PTGER3: variants seen among roughly 807,000 people sequenced by gnomAD.
PTGER3 encodes prostaglandin E receptor 3, also known as prostaglandin E2 receptor EP3 subtype.
In PTGER3, 22 loss-of-function variants were observed where a neutral mutation model predicts 34.7. The ratio of observed to expected loss-of-function variants is 0.63; its 90% CI spans 0.45 to 0.91. The LOEUF is 0.91. Ranked by LOEUF, PTGER3 falls within the 40% of genes least tolerant of loss-of-function variation. The pLI is 0.00. For missense variants in PTGER3, 468 were observed against 519.4 expected (o/e 0.90, Z 0.96); for synonymous variants, 241 against 230.1 (o/e 1.05, Z -0.43).
intron 2 of PTGER3, among the ~76,000 whole-genome samples, chr1:71,004,496 G>A (rs762385104): frequency 6.6e-6 from 1 of 152,146 alleles, no homozygotes; most frequent in Non-Finnish European, 1.5e-5. Flanking sequence ...ATAAAATGAA[G>A]CTTCTGCAGC....
At chr1:70,953,806 A>C in intron 2 of PTGER3, 1 of 1,261,704 alleles carries the variant, frequency 7.9e-7, no homozygotes, top group Non-Finnish European at 1.1e-6. Context: ...AAGAGTAATA[A>C]CAGTATAAGC....
At chr1:70,886,758 C>A (rs992318262) in intron 4 of PTGER3, among the ~76,000 whole-genome samples, 1 of 152,188 alleles carries the variant, frequency 6.6e-6, no homozygotes, top group African/African-American at 2.4e-5. Flanking sequence ...ATCTCCAGGG[C>A]TAAGCACAGA....
chr1:70,852,836 G>GT (rs751722919), exon 5 of PTGER3: 8 of 1,613,454 alleles, frequency 5.0e-6, no homozygotes, highest in Non-Finnish European at 6.8e-6. Flanking sequence ...AGAAAGGCAG[G>GT]TTTTAATTTC....
rs186714694 is a variant in PTGER3 at position 70,990,959 on chromosome 1, C to A, written c.1078-16571G>T. ...ATTTAATTTCTTGCTCAAAAGAAAG[C>A]AGGTTATTTGAATTTATTGTTGAGA... On this transcript the variant is annotated intron_variant, in intron 2 of 3. Transcript: ENST00000306666. Among the ~76,000 whole-genome samples the A allele has an allele frequency of 2.0e-5, 3 of 152,322 alleles. No individual in the cohort carries two copies. In the East Asian group the frequency reaches 5.8e-4, roughly 29 times the overall value.
At chr1:70,860,002 G>A (rs951805443) in intron 4 of PTGER3, among the ~76,000 whole-genome samples, 25 of 146,616 alleles carry the variant, frequency 1.7e-4, no homozygotes, top group South Asian at 6.8e-4. Context: ...TAGACTATGC[G>A]TTTTTCATGA....
intron 3 of PTGER3, chr1:70,953,617 G>A (rs1475086746): frequency 5.8e-6 from 7 of 1,198,980 alleles, no homozygotes; most frequent in Middle Eastern, 2.0e-4. Flanking sequence ...TAATCTTTGT[G>A]ACTGGGATAG....
rs141991712 is a variant in PTGER3, at chr1:70,865,341, A to G, written c.*24-12482T>C. Among the ~76,000 whole-genome samples, 55 of 152,220 alleles carry G rather than the reference A, an allele frequency of 3.6e-4. 1 individual carries two copies. Among genetic ancestry groups the G allele is most frequent in the Middle Eastern group, 6.8e-3 (2 of 294 alleles). On this transcript the variant is annotated intron_variant, in intron 4 of 4. Transcript: ENST00000370931. ...TGGGAATACCACCCCAGCAGTAGTG[A>G]GGAAGGATAGGTTTAGAGTGTGAGC...
intron 2 of PTGER3, among the ~76,000 whole-genome samples, chr1:70,993,084 A>C (rs898491853): frequency 6.6e-6 from 1 of 152,198 alleles, no homozygotes; most frequent in Non-Finnish European, 1.5e-5. Flanking sequence ...GTATATCTAG[A>C]TATAGATCTG....
At chr1:70,940,908 T>C (rs1649697572) in intron 4 of PTGER3, among the ~76,000 whole-genome samples, 1 of 152,198 alleles carries the variant, frequency 6.6e-6, no homozygotes, top group African/African-American at 2.4e-5. Flanking sequence ...GGTCACATGA[T>C]CATCTTTAAT....
chr1:70,972,740 T>C (rs1013794556), intron 3 of PTGER3, among the ~76,000 whole-genome samples: 1 of 152,140 alleles, frequency 6.6e-6, no homozygotes, highest in East Asian at 1.9e-4. Flanking sequence ...GCTTATTTTA[T>C]GCTAAATAAA....
At chr1:71,021,215 T>A (rs960065846) in intron 1 of PTGER3, among the ~76,000 whole-genome samples, 1 of 152,172 alleles carries the variant, frequency 6.6e-6, no homozygotes, top group Non-Finnish European at 1.5e-5. Flanking sequence ...ATTCAGTTAC[T>A]GGATATGGAA....
chr1:70,870,945 ACT>A (rs1237231159), intron 4 of PTGER3, among the ~76,000 whole-genome samples: 2 of 151,960 alleles, frequency 1.3e-5, no homozygotes, highest in African/African-American at 4.8e-5. Flanking sequence ...AGATGTCGAA[ACT>A]CTTCTAACAT....
chr1:70,866,238 A>G (rs1346965651), intron 4 of PTGER3, among the ~76,000 whole-genome samples: 1 of 152,220 alleles, frequency 6.6e-6, no homozygotes, highest in African/African-American at 2.4e-5. Flanking sequence ...AACATTGAGT[A>G]TCATTAAGAC....
rs945007023 is a variant in PTGER3, at chr1:70,971,426, T to C, written c.*304A>G. 2.7e-6 allele frequency: 3 copies of C among 1,091,300 alleles called. No individual in the cohort carries two copies. Among genetic ancestry groups the C allele is most frequent in the Non-Finnish European group, 3.3e-6 (3 of 898,354 alleles). The allele number at this position is 1,091,300 out of a possible 1,614,324, so 67.6% of individuals were successfully genotyped here. A position where few individuals can be genotyped will look rare whatever the true frequency, so the allele number is the denominator to read the frequency against. ...GTAAAGGTTTGAAGTTGGAGAAAAC[T>C]CCTGGAACACAGGTCTTTCTTTTCA... is the stretch of plus-strand genomic sequence containing the variant. On this transcript the variant is annotated 3_prime_UTR_variant, in exon 4 of 4. Coordinates refer to ENST00000306666, the MANE Select transcript of PTGER3 (RefSeq NM_198719.2).
intron 4 of PTGER3, among the ~76,000 whole-genome samples, chr1:70,942,643 G>T (rs1028573849): frequency 6.6e-6 from 1 of 152,066 alleles, no homozygotes. Context: ...TGTGCACAGC[G>T]CCCTCACCCC....
chr1:71,003,311 T>C (rs1315458372), intron 2 of PTGER3, among the ~76,000 whole-genome samples: 1 of 152,224 alleles, frequency 6.6e-6, no homozygotes, highest in Non-Finnish European at 1.5e-5. Flanking sequence ...TAAATAGATA[T>C]GTGTCTACAT....
intron 4 of PTGER3, among the ~76,000 whole-genome samples, chr1:70,893,758 G>A (rs1278191861): frequency 6.6e-6 from 1 of 152,156 alleles, no homozygotes; most frequent in Non-Finnish European, 1.5e-5. Flanking sequence ...CAAGATGAAC[G>A]TATGCAAATG....
chr1:70,987,354 C>T (rs77710144), intron 2 of PTGER3, among the ~76,000 whole-genome samples: 13 of 152,100 alleles, frequency 8.5e-5, no homozygotes, highest in African/African-American at 3.1e-4. Context: ...AGGAGTCAAT[C>T]AAGGGTCTCA....
intron 2 of PTGER3, chr1:71,008,638 T>A: frequency 2.0e-6 from 2 of 984,820 alleles, no homozygotes; most frequent in Non-Finnish European, 1.2e-6. Context: ...TGTCACTTTG[T>A]CAGCACTTTG....
Sources: allele counts gnomAD v4.1 joint callset (sites outside exome capture counted in the v4.1 genomes callset), GRCh38; gene constraint gnomAD v4.1.1; transcripts MANE v1.5; gene names NCBI Gene and HGNC (gene_info 2026-07-23, HGNC 2026-07-21).